The following DMGDH variants were observed in gnomAD, a reference collection of about 807,000 sequenced individuals.
DMGDH encodes dimethylglycine dehydrogenase.
DMGDH carries 76 observed loss-of-function variants against 95.2 expected under a neutral mutation model. The ratio of observed to expected loss-of-function variants is 0.80; its 90% confidence interval spans 0.66 to 0.97. The LOEUF (loss-of-function observed/expected upper bound fraction) is 0.97. Ranked by LOEUF, DMGDH falls within the 50% of genes least tolerant of loss-of-function variation. The pLI, the probability that DMGDH is intolerant of heterozygous loss-of-function variation, is 0.00. For synonymous variants in DMGDH, 345 were observed against 377.6 expected, an observed-to-expected ratio of 0.91 and a Z score of 1.00; for missense variants, 987 against 1,055.0, an observed-to-expected ratio of 0.94 and a Z score of 0.89.
chr5:79,009,917 A>G (rs1419538418), intron 14 of DMGDH, among the ~76,000 whole-genome samples: 3 of 152,190 alleles, frequency 2.0e-5, no homozygotes, highest in African/African-American at 7.2e-5. Context: ...TGCTTTCAGG[A>G]TGACCCAAGA....
rs756804731 is a variant in DMGDH, at chr5:78,998,258, T to C, written c.2425A>G (p.Ile809Val). 31 of 1,614,042 alleles carry C rather than the reference T, an allele frequency of 1.9e-5. No individual in the cohort carries two copies. In the South Asian group the frequency reaches 3.4e-4, roughly 18 times the overall value. Reference sequence around the variant, plus strand: ...TATGCGAAAGCCAGACTCTTCTGGATGCTGTAGCTATAGCTTCCAGATGTC... The same window carrying C: ...TATGCGAAAGCCAGACTCTTCTGGACGCTGTAGCTATAGCTTCCAGATGTC... ...NTTSGSYSYS[I>V]QKSLAFAYVP... The change falls in exon 16 of 16, where the codon ATC (isoleucine) becomes GTC (valine). Residue 809 changes from isoleucine to valine, a missense_variant. By Grantham distance (29) the Ile-to-Val change is conservative (BLOSUM62 3). Coordinates refer to ENST00000255189, the MANE Select transcript of DMGDH (RefSeq NM_013391.3).
intron 15 of DMGDH, chr5:79,000,267 A>G: frequency 1.5e-6 from 1 of 648,308 alleles, no homozygotes; most frequent in Admixed American, 1.8e-5. Flanking sequence ...TATTCCTCAC[A>G]TTTAAAATCT....
chr5:79,062,896 A>G (rs1354155024), intron 2 of DMGDH, among the ~76,000 whole-genome samples: 4 of 152,182 alleles, frequency 2.6e-5, no homozygotes, highest in African/African-American at 7.2e-5. Context: ...GATAGAGACC[A>G]GCCTGACCAA....
At position 79,001,187 on chromosome 5, in the gene DMGDH, G is replaced by T. The variant is rs184550854; in HGVS notation, c.2386-2890C>A. 8.5e-5 allele frequency: 37 copies of T among 436,608 alleles called. No homozygotes were observed. In the East Asian group the frequency reaches 1.3e-3, roughly 15 times the overall value. 27.0% of individuals were successfully genotyped at this position (436,608 alleles called of 1,614,324 possible). On this transcript the variant is annotated intron_variant, in intron 15 of 15. Coordinates refer to ENST00000255189, the MANE Select transcript of DMGDH (RefSeq NM_013391.3). ...TTTTGTTTGCTTGTTTTTTGAGATG[G>T]AGTCTTGCTCTGTTGCCCCAGCTGG...
chr5:79,005,404 C>A lies in DMGDH; in HGVS notation c.2254G>T (p.Ala752Ser), dbSNP rs199529859. The change falls in exon 15 of 16, where the codon GCA becomes TCA. Residue 752 changes from alanine to serine, a missense_variant. Physicochemically the swap from Ala to Ser is moderately conservative, Grantham distance 99 (BLOSUM62 1). Coordinates refer to ENST00000255189, the MANE Select transcript of DMGDH (RefSeq NM_013391.3). ...LEYFVKLNKP[A>S]DFIGKQALKQ... ...AGTGCTTGCTTTCCTATGAAGTCTG[C>A]TGGCTGCAGGAATCCAAGATAATGA... is the stretch of plus-strand genomic sequence containing the variant. 1 of 1,614,046 alleles carries A rather than the reference C, an allele frequency of 6.2e-7. No individual in the cohort carries two copies. The highest frequency in any genetic ancestry group is 1.3e-5 in the African/African-American group (1 of 75,036).
At chr5:79,038,461 G>A (rs1754410095) in intron 7 of DMGDH, among the ~76,000 whole-genome samples, 1 of 152,114 alleles carries the variant, frequency 6.6e-6, no homozygotes, top group Non-Finnish European at 1.5e-5. Flanking sequence ...GGGCAGCAGA[G>A]TAAGACTCTG....
At chr5:79,010,723 A>G (rs370702656) in intron 14 of DMGDH, among the ~76,000 whole-genome samples, 5 of 152,266 alleles carry the variant, frequency 3.3e-5, no homozygotes, top group African/African-American at 9.6e-5. Flanking sequence ...TTACACCCTC[A>G]TAGAAAGTTC....
At chr5:79,047,102 A>C (rs1169162857) in intron 5 of DMGDH, among the ~76,000 whole-genome samples, 1 of 152,112 alleles carries the variant, frequency 6.6e-6, no homozygotes, top group African/African-American at 2.4e-5. Flanking sequence ...ATTAACCTAA[A>C]TCTAGCTAGA....
At chr5:79,029,032 T>C (rs188269488) in intron 11 of DMGDH, among the ~76,000 whole-genome samples, 124 of 152,330 alleles carry the variant, frequency 8.1e-4, no homozygotes, top group African/African-American at 2.8e-3. Flanking sequence ...GGCACACTTA[T>C]GTTGCTAAAG....
Position 79,030,951 on chromosome 5 carries a change from T to C in DMGDH, c.1565A>G (p.Tyr522Cys), listed in dbSNP as rs760435362. Reference protein sequence around the residue: ...TNWFEPVGSEYKQVMQRVAVT... With the variant: ...TNWFEPVGSECKQVMQRVAVT... Reference sequence around the variant, plus strand: ...CGCTACTCTTTGCATAACCTGTTTATACTCCGAGCCCACAGGCTCAAACCA... The same window carrying C: ...CGCTACTCTTTGCATAACCTGTTTACACTCCGAGCCCACAGGCTCAAACCA... The change falls in exon 10 of 16, where the codon TAT (tyrosine) becomes TGT (cysteine). Residue 522 changes from tyrosine (Y) to cysteine (C), a missense_variant. By Grantham distance (194) the Tyr-to-Cys change is radical. Transcript: ENST00000255189. 5.0e-6 allele frequency: 8 copies of C among 1,614,116 alleles called. No homozygotes were observed. The highest frequency in any genetic ancestry group is 3.3e-5 in the Admixed American group (2 of 60,002).
At chr5:79,023,814 A>T (rs1753925370) in intron 14 of DMGDH, among the ~76,000 whole-genome samples, 2 of 152,220 alleles carry the variant, frequency 1.3e-5, no homozygotes, top group African/African-American at 4.8e-5. Context: ...AAGATGCTTG[A>T]TAAGCAGATG....
At chr5:79,000,263 T>A in intron 15 of DMGDH, 1 of 645,958 alleles carries the variant, frequency 1.5e-6, no homozygotes, top group Non-Finnish European at 3.0e-6. Context: ...ATGATATTCC[T>A]CACATTTAAA....
At position 79,033,311 on chromosome 5, in the gene DMGDH, G is replaced by T; in HGVS notation, c.1291C>A (p.Arg431Ser). ...TGGGTTGTTGTCCATTTGCCATAGC[G>T]ATTAGGATCCAATTCTATCAGATCA... ...PFDLIELDPN[R>S]YGKWTTTQYT... The change falls in exon 8 of 16, where the codon CGC (arginine) becomes AGC (serine). Residue 431 changes from arginine (R) to serine (S), a missense_variant. Coordinates refer to ENST00000255189, the MANE Select transcript of DMGDH (RefSeq NM_013391.3). The T allele has an allele frequency of 6.2e-7, 1 of 1,614,104 alleles. No individual in the cohort carries two copies. The highest frequency in any genetic ancestry group is 1.1e-5 in the South Asian group (1 of 91,078).
At chr5:79,030,733 G>T in intron 10 of DMGDH, 100 bp downstream of exon 10, 1 of 1,217,314 alleles carries the variant, frequency 8.2e-7, no homozygotes, top group Non-Finnish European at 1.2e-6. Context: ...AAGAGTTCTA[G>T]TGTTCATCCA....
In DMGDH at chr5:79,044,483, T is replaced by C. The variant is rs754928652; in HGVS notation, c.815A>G (p.Tyr272Cys). ...TTCAGATATAGTCGATGTAACAACA[T>C]ATTGATGTTGAACCGGAATGAGAGG... ...EHPLIPVQHQ[Y>C]VVTSTISEVK... The change falls in exon 6 of 16, where the codon TAT becomes TGT. Residue 272 changes from tyrosine (Y) to cysteine (C), a missense_variant. By Grantham distance (194) the Tyr-to-Cys change is radical. Coordinates refer to ENST00000255189, the MANE Select transcript of DMGDH (RefSeq NM_013391.3). The C allele has an allele frequency of 3.1e-6, 5 of 1,614,166 alleles. No individual in the cohort carries two copies. The Admixed American group carries it at 5.0e-5, about 16-fold the overall frequency.
At chr5:79,034,157 G>C (rs1290583318) in intron 7 of DMGDH, among the ~76,000 whole-genome samples, 1 of 152,026 alleles carries the variant, frequency 6.6e-6, no homozygotes, top group East Asian at 1.9e-4. Flanking sequence ...TATGTACTGT[G>C]GTGTCCCATC....
rs1755018245 is a variant in DMGDH at position 79,055,923 on chromosome 5, G to A, written c.277-15C>T. On this transcript the variant is annotated splice_polypyrimidine_tract_variant and intron_variant, in intron 2 of 15. Transcript: ENST00000255189. Reference sequence around the variant, plus strand: ...GTTAAACCTGCCTTAAAAGCAGAGAGGAAAAGAAATACTGAAAAAAAATTA... The same window carrying A: ...GTTAAACCTGCCTTAAAAGCAGAGAAGAAAAGAAATACTGAAAAAAAATTA... 2.0e-6 allele frequency: 3 copies of A among 1,521,144 alleles called. No individual in the cohort carries two copies. Among genetic ancestry groups the A allele is most frequent in the Non-Finnish European group, 2.7e-6 (3 of 1,096,136 alleles). The allele number at this position is 1,521,144 out of a possible 1,614,324, so 94.2% of individuals were successfully genotyped here.
intron 5 of DMGDH, among the ~76,000 whole-genome samples, chr5:79,050,294 A>G (rs1029426164): frequency 7.4e-6 from 1 of 134,778 alleles, no homozygotes; most frequent in Non-Finnish European, 1.6e-5. Context: ...ATATATATAT[A>G]TATATATACC....
At position 79,069,545 on chromosome 5, in the gene DMGDH, G is replaced by A; in HGVS notation, c.76C>T (p.Pro26Ser). 1 of 1,313,444 alleles carries A rather than the reference G, an allele frequency of 7.6e-7. No individual in the cohort carries two copies. Among genetic ancestry groups the A allele is most frequent in the South Asian group, 2.2e-5 (1 of 45,086 alleles). The allele number at this position is 1,313,444 out of a possible 1,614,324, so 81.4% of individuals were successfully genotyped here. Reference protein sequence around the residue: ...SCPLQGSPGRPRSVCGREGEE... With the variant: ...SCPLQGSPGRSRSVCGREGEE... ...CCTTCCCGGCCGCAGACAGAGCGCG[G>A]GCGCCCGGGGGAGCCCTGCAGCGGG... is the stretch of plus-strand genomic sequence containing the variant. Residue 26 changes from proline (P) to serine (S), a missense_variant, in exon 1 of 16, where the codon CCG becomes TCG. Physicochemically the swap from Pro to Ser is moderately conservative, Grantham distance 74 (BLOSUM62 -1). Coordinates refer to ENST00000255189, the MANE Select transcript of DMGDH (RefSeq NM_013391.3).
Sources: gnomAD v4.1 joint callset for allele counts (sites outside exome capture counted in the v4.1 genomes callset) on GRCh38, gnomAD v4.1.1 for gene constraint, MANE v1.5 for transcripts, NCBI Gene and HGNC (gene_info 2026-07-23, HGNC 2026-07-21) for gene names.